The following PCDHA2 variants were observed in gnomAD, a reference collection of about 807,000 sequenced individuals.
The protein encoded by PCDHA2 is protocadherin alpha 2.
A neutral mutation model predicts 66.0 loss-of-function variants in PCDHA2; 58 were observed. The observed-to-expected ratio is 0.88, with a 90% CI of 0.71 to 1.09. The LOEUF (loss-of-function observed/expected upper bound fraction) is 1.09. PCDHA2 is among the 50% of genes least tolerant of loss of function. The pLI is 0.00. For synonymous variants in PCDHA2, 634 were observed against 554.0 expected, an observed-to-expected ratio of 1.14 and a Z score of -2.03; for missense variants, 1,267 against 1,242.3, an observed-to-expected ratio of 1.02 and a Z score of -0.30.
At chr5:140,854,871 T>A (rs2043250879) in intron 1 of PCDHA2, among the ~76,000 whole-genome samples, 2 of 149,910 alleles carry the variant, frequency 1.3e-5, no homozygotes, top group South Asian at 4.2e-4. Context: ...ATTTCAGAAC[T>A]GTGTCTTTTG....
At chr5:140,822,191 T>C in intron 1 of PCDHA2, 1 of 1,614,246 alleles carries the variant, frequency 6.2e-7, no homozygotes, top group Non-Finnish European at 8.5e-7. Context: ...GAACAAAGAT[T>C]ATTCATTTTA....
At chr5:140,965,388 C>A (rs2095896527) in intron 1 of PCDHA2, among the ~76,000 whole-genome samples, 1 of 151,982 alleles carries the variant, frequency 6.6e-6, no homozygotes, top group Non-Finnish European at 1.5e-5. Flanking sequence ...CACAGAAGAA[C>A]AGAAGTCTAA....
At chr5:140,842,235 G>T (rs201880118) in intron 1 of PCDHA2, 1 of 1,612,410 alleles carries the variant, frequency 6.2e-7, no homozygotes, top group Non-Finnish European at 8.5e-7. Context: ...ATAGTGATTC[G>T]GGGTAATTTG....
intron 1 of PCDHA2, chr5:140,877,772 C>T (rs372461540): frequency 9.3e-6 from 15 of 1,614,150 alleles, no homozygotes; most frequent in Non-Finnish European, 1.2e-5. Context: ...CCGCCCAAGA[C>T]GGACCTCATG....
At chr5:140,935,486 A>C (rs1554210536) in intron 1 of PCDHA2, among the ~76,000 whole-genome samples, 1 of 152,228 alleles carries the variant, frequency 6.6e-6, no homozygotes, top group East Asian at 1.9e-4. Context: ...CTTTTCATTT[A>C]TAAGGCACAT....
At chr5:140,901,761 A>G (rs1276192436) in intron 1 of PCDHA2, among the ~76,000 whole-genome samples, 1 of 152,124 alleles carries the variant, frequency 6.6e-6, no homozygotes, top group African/African-American at 2.4e-5. Flanking sequence ...TTTGACAGGG[A>G]TTGCATTGAA....
intron 1 of PCDHA2, among the ~76,000 whole-genome samples, chr5:140,923,822 T>C (rs1377526546): frequency 6.6e-6 from 1 of 152,156 alleles, no homozygotes; most frequent in Non-Finnish European, 1.5e-5. Flanking sequence ...AAAATAGACG[T>C]CAGTGGCAGT....
chr5:140,968,643 A>G (rs2096261293), intron 1 of PCDHA2: 1 of 1,614,198 alleles, frequency 6.2e-7, no homozygotes. Context: ...CATCTAGCCC[A>G]GACTTCTGAC....
In PCDHA2 at chr5:140,796,761, T is replaced by C. The variant is rs151307182; in HGVS notation, c.1797T>C (p.Ala599=). 8.1e-6 allele frequency: 13 copies of C among 1,614,148 alleles called. No individual in the cohort carries two copies. In the African/African-American group the frequency reaches 9.3e-5, roughly 12 times the overall value. The stretch of plus-strand genomic sequence containing the variant: ...TGGCGAAGGTGCGCGCAGTGGACGC[T>C]GACTCAGGCTACAACGCGTGGCTTT... ...HVVAKVRAVD[A]DSGYNAWLSY... is the part of the protein sequence containing the mutation. Residue 599 remains alanine, a synonymous_variant, in exon 1 of 4, where the codon GCT becomes GCC. Coordinates refer to ENST00000526136, the MANE Select transcript of PCDHA2 (RefSeq NM_018905.3).
chr5:140,883,547 G>A (rs782704587), intron 1 of PCDHA2: 2 of 1,614,234 alleles, frequency 1.2e-6, no homozygotes, highest in Admixed American at 1.7e-5. Flanking sequence ...GGTGGTGACC[G>A]CGCGGGACGG....
At position 140,969,313 on chromosome 5, in the gene PCDHA2, G is replaced by A. The variant is rs2096317901; in HGVS notation, c.2389-9636G>A. 3.7e-6 allele frequency: 6 copies of A among 1,614,160 alleles called. No homozygotes were observed. In the East Asian group the frequency reaches 8.9e-5, roughly 24 times the overall value. ...GGAACCTGATTATTCTCAAAAATGAGGCTGTTTCTCAAAATGAGGTGAGAC... is the reference window on the plus strand; with the variant it reads ...GGAACCTGATTATTCTCAAAAATGAAGCTGTTTCTCAAAATGAGGTGAGAC... On this transcript the variant is annotated intron_variant, in intron 1 of 3. Coordinates refer to ENST00000526136, the MANE Select transcript of PCDHA2 (RefSeq NM_018905.3).
At chr5:140,833,320 T>C (rs1179944167) in intron 1 of PCDHA2, among the ~76,000 whole-genome samples, 1 of 152,170 alleles carries the variant, frequency 6.6e-6, no homozygotes, top group Non-Finnish European at 1.5e-5. Context: ...TTACATGCCA[T>C]TGGGAACATT....
At chr5:140,880,241 C>T (rs529552139) in intron 1 of PCDHA2, among the ~76,000 whole-genome samples, 12 of 150,302 alleles carry the variant, frequency 8.0e-5, no homozygotes, top group South Asian at 4.2e-4. Flanking sequence ...AGTGTATGTG[C>T]GTGTGTGTAT....
At chr5:140,994,157 G>A (rs958405989) in intron 3 of PCDHA2, among the ~76,000 whole-genome samples, 1 of 152,198 alleles carries the variant, frequency 6.6e-6, no homozygotes, top group Non-Finnish European at 1.5e-5. Context: ...TAGGGTCAAC[G>A]AAGGGGAAGG....
At chr5:140,910,525 C>T (rs531874263) in intron 1 of PCDHA2, among the ~76,000 whole-genome samples, 2 of 152,258 alleles carry the variant, frequency 1.3e-5, no homozygotes, top group African/African-American at 4.8e-5. Context: ...GCAGGTACTC[C>T]CCTCACAAAT....
In PCDHA2 at chr5:140,870,746, T is replaced by C. The variant is rs781831995; in HGVS notation, c.2388+73394T>C. 5.0e-6 allele frequency: 8 copies of C among 1,613,488 alleles called. No individual in the cohort carries two copies. The East Asian group carries it at 1.8e-4, about 36-fold the overall frequency. ...GGCGTGCCGCCTCTGAGCAGCAACG[T>C]GACGCTGCAGGTGTTCGTGCTGGAC... On this transcript the variant is annotated intron_variant, in intron 1 of 3. Transcript: ENST00000526136.
chr5:140,857,427 C>G lies in PCDHA2; in HGVS notation c.2388+60075C>G, dbSNP rs781871079. On this transcript the variant is annotated intron_variant, in intron 1 of 3. Coordinates refer to ENST00000526136, the MANE Select transcript of PCDHA2 (RefSeq NM_018905.3). The stretch of plus-strand genomic sequence containing the variant: ...CCTGCGTTCGCGCAGTCCGAGTACA[C>G]GGTGTTCGTGAAGGAGAACAACCCG... 49 of 1,598,334 alleles carry G rather than the reference C, an allele frequency of 3.1e-5. 4 individuals carry two copies. The highest frequency in any genetic ancestry group is 3.9e-5 in the Non-Finnish European group (46 of 1,167,894).
intron 1 of PCDHA2, among the ~76,000 whole-genome samples, chr5:140,905,582 A>C (rs1281901890): frequency 1.3e-5 from 2 of 152,068 alleles, no homozygotes; most frequent in South Asian, 2.1e-4. Flanking sequence ...AATGATAATG[A>C]TATTTTGCTG....
chr5:140,799,581 C>T (rs116159920), intron 1 of PCDHA2, among the ~76,000 whole-genome samples: 2,322 of 152,006 alleles, frequency 0.015, 64 homozygotes, highest in African/African-American at 0.052. Context: ...TTGATATTAA[C>T]AAATATCATT....
Sources: gnomAD v4.1 joint callset for allele counts (sites outside exome capture counted in the v4.1 genomes callset) on GRCh38, gnomAD v4.1.1 for gene constraint, MANE v1.5 for transcripts, NCBI Gene and HGNC (gene_info 2026-07-23, HGNC 2026-07-21) for gene names.